Variants in LUZP2 observed in about 807,000 individuals in gnomAD.
LUZP2 encodes leucine zipper protein 2.
In LUZP2, 52 loss-of-function variants were observed where a neutral mutation model predicts 51.6. The ratio of observed to expected loss-of-function variants is 1.01; its 90% CI spans 0.81 to 1.27. The LOEUF (loss-of-function observed/expected upper bound fraction) is 1.27, where lower values mean the gene tolerates loss of function less well. LUZP2 is among the 50% of genes most tolerant of loss of function. The probability of loss-of-function intolerance (pLI) is 0.00; values close to 1 mark genes in which losing one functional copy is unlikely to be tolerated. For synonymous variants in LUZP2, 154 were observed against 137.3 expected (o/e 1.12, Z -0.85); for missense variants, 436 against 395.4 (o/e 1.10, Z -0.87).
chr11:24,669,895 AC>A (rs1174981236), intron 1 of LUZP2, among the ~76,000 whole-genome samples: 1 of 152,044 alleles, frequency 6.6e-6, no homozygotes, highest in Non-Finnish European at 1.5e-5. Flanking sequence ...ATTTCCTTTA[AC>A]TATCTTTGGC....
intron 8 of LUZP2, among the ~76,000 whole-genome samples, chr11:24,979,140 T>A (rs958111502): frequency 6.6e-6 from 1 of 151,788 alleles, no homozygotes; most frequent in African/African-American, 2.4e-5. Flanking sequence ...ATTACAGTAC[T>A]AGGTACAATG....
At position 24,748,241 on chromosome 11, in the gene LUZP2, T is replaced by C. The variant is rs569260712; in HGVS notation, c.333+9939T>C. On this transcript the variant is annotated intron_variant, in intron 4 of 11. Transcript: ENST00000336930. ...CCTTTCCCACTGCTTTCTCTACCCC[T>C]ATATTTTGCTCAGCTCTCTAAATTG... 4.6e-5 allele frequency among the ~76,000 whole-genome samples: 7 copies of C among 152,068 alleles called. No homozygotes were observed. The South Asian group carries it at 1.5e-3, about 32-fold the overall frequency.
intron 1 of LUZP2, among the ~76,000 whole-genome samples, chr11:24,649,280 A>T (rs1301423783): frequency 1.3e-5 from 2 of 151,992 alleles, no homozygotes; most frequent in African/African-American, 4.8e-5. Flanking sequence ...TTTTCCAGGG[A>T]TCCCAAAGAA....
intron 5 of LUZP2, among the ~76,000 whole-genome samples, chr11:24,901,030 C>T (rs1853263896): frequency 6.6e-6 from 1 of 151,970 alleles, no homozygotes; most frequent in African/African-American, 2.4e-5. Context: ...GGTTTTTCTT[C>T]CATATGGTAC....
At chr11:25,031,677 A>AT (rs934543916) in intron 9 of LUZP2, among the ~76,000 whole-genome samples, 12 of 150,852 alleles carry the variant, frequency 8.0e-5, no homozygotes, top group African/African-American at 1.5e-4. Context: ...CAGCTTTTAA[A>AT]TTTTTTTTTG....
intron 1 of LUZP2, among the ~76,000 whole-genome samples, chr11:24,716,247 G>A (rs1858037023): frequency 6.6e-6 from 1 of 152,072 alleles, no homozygotes; most frequent in Admixed American, 6.6e-5. Context: ...ATTTCTTTGG[G>A]AAAACCAAAT....
intron 5 of LUZP2, among the ~76,000 whole-genome samples, chr11:24,843,607 A>G (rs556060225): frequency 1.3e-4 from 20 of 152,344 alleles, no homozygotes; most frequent in African/African-American, 4.8e-4. Flanking sequence ...AACAAGATGA[A>G]GAATAATATT....
At chr11:24,710,228 G>A (rs1180135021) in intron 1 of LUZP2, among the ~76,000 whole-genome samples, 1 of 152,164 alleles carries the variant, frequency 6.6e-6, no homozygotes, top group African/African-American at 2.4e-5. Flanking sequence ...TATTCTAAAG[G>A]TGCCTCTGGA....
At chr11:24,602,147 T>G (rs1201407634) in intron 1 of LUZP2, among the ~76,000 whole-genome samples, 1 of 127,782 alleles carries the variant, frequency 7.8e-6, no homozygotes, top group Non-Finnish European at 1.6e-5. Context: ...TATATGTATA[T>G]ATGTATATAT....
At chr11:24,537,700 G>C (rs939374531) in intron 1 of LUZP2, among the ~76,000 whole-genome samples, 9 of 151,736 alleles carry the variant, frequency 5.9e-5, no homozygotes, top group African/African-American at 2.2e-4. Flanking sequence ...TTTCAGTCTA[G>C]TCTGTGAAAC....
At chr11:24,720,596 C>T (rs1022605098) in intron 1 of LUZP2, among the ~76,000 whole-genome samples, 8 of 152,188 alleles carry the variant, frequency 5.3e-5, no homozygotes, top group African/African-American at 1.7e-4. Context: ...AGCCTAATGA[C>T]TTACAAAAAC....
At chr11:24,875,473 G>A (rs1852222003) in intron 5 of LUZP2, among the ~76,000 whole-genome samples, 2 of 137,068 alleles carry the variant, frequency 1.5e-5, no homozygotes, top group East Asian at 2.3e-4. Context: ...TGGTGTATAT[G>A]TGCCACATTT....
At chr11:24,891,381 A>G (rs1039918190) in intron 5 of LUZP2, 19 of 947,502 alleles carry the variant, frequency 2.0e-5, no homozygotes, top group African/African-American at 1.2e-4. Context: ...TATATACACT[A>G]TGTTACATAC....
chr11:24,678,159 A>G (rs1856629020), intron 1 of LUZP2, among the ~76,000 whole-genome samples: 1 of 151,752 alleles, frequency 6.6e-6, no homozygotes, highest in African/African-American at 2.4e-5. Context: ...TGCTAACTCC[A>G]TAAAGGCAAG....
chr11:24,530,337 C>T (rs774942264), intron 1 of LUZP2, among the ~76,000 whole-genome samples: 12 of 150,834 alleles, frequency 8.0e-5, no homozygotes, highest in Non-Finnish European at 1.8e-4. Context: ...GTTAAGTCTA[C>T]ATCTGATTTT....
intron 1 of LUZP2, among the ~76,000 whole-genome samples, chr11:24,602,074 G>A (rs182285975): frequency 0.036 from 2,130 of 59,118 alleles, 104 homozygotes; most frequent in African/African-American, 0.13. Flanking sequence ...ATATATATGC[G>A]TATATATGTG....
chr11:24,947,851 A>G (rs895773881), intron 7 of LUZP2, among the ~76,000 whole-genome samples: 1 of 151,902 alleles, frequency 6.6e-6, no homozygotes, highest in African/African-American at 2.4e-5. Flanking sequence ...TCTCTTGTCC[A>G]TGCTAAGTTG....
At chr11:24,909,917 A>C (rs1171823621) in intron 6 of LUZP2, among the ~76,000 whole-genome samples, 19 of 152,154 alleles carry the variant, frequency 1.2e-4, no homozygotes, top group Non-Finnish European at 2.8e-4. Context: ...AGAGCTCAGA[A>C]AAAAACAAGA....
chr11:25,037,163 T>C (rs80021051), intron 9 of LUZP2, among the ~76,000 whole-genome samples: 2,818 of 152,300 alleles, frequency 0.019, 91 homozygotes, highest in African/African-American at 0.064. Flanking sequence ...ATATTTAGGA[T>C]AGTTAAGGCT....
Sources: allele counts gnomAD v4.1 joint callset (sites outside exome capture counted in the v4.1 genomes callset), GRCh38; gene constraint gnomAD v4.1.1; transcripts MANE v1.5; gene names NCBI Gene and HGNC (gene_info 2026-07-23, HGNC 2026-07-21).